GTF3C3: variants seen among roughly 807,000 people sequenced by gnomAD.
GTF3C3 encodes the protein general transcription factor 3C polypeptide 3.
In GTF3C3, 75 loss-of-function variants were observed where a neutral mutation model predicts 105.2. The observed-to-expected ratio is 0.71, with a 90% confidence interval of 0.59 to 0.86. GTF3C3 has a LOEUF of 0.86. Among genes scored for constraint, GTF3C3 ranks in the 40% least tolerant of loss-of-function variants. The probability of loss-of-function intolerance (pLI) is 0.00; values close to 1 mark genes in which losing one functional copy is unlikely to be tolerated. For synonymous variants in GTF3C3, 335 were observed against 370.4 expected (o/e 0.90, Z 1.10); for missense variants, 856 against 1,076.5 (o/e 0.80, Z 2.87).
chr2:196,781,567 CTA>C (rs1238316624), intron 8 of GTF3C3, among the ~76,000 whole-genome samples: 1 of 151,090 alleles, frequency 6.6e-6, no homozygotes, highest in Non-Finnish European at 1.5e-5. Flanking sequence ...AAATAATACA[CTA>C]TTTTATATAA....
chr2:196,792,156 T>C (rs546350551), intron 3 of GTF3C3, among the ~76,000 whole-genome samples: 1 of 152,214 alleles, frequency 6.6e-6, no homozygotes, highest in South Asian at 2.1e-4. Context: ...GGTTATAGTA[T>C]GGACACAGAC....
Position 196,797,797 on chromosome 2 carries a change from CT to C in GTF3C3, c.213del (p.Gly72GlufsTer7). Reference sequence around the variant, plus strand: ...CAGGAAGCACATAATTTTAACATACCTTCATTGACATCTTTGTCTTGGGATT... The same window carrying C: ...CAGGAAGCACATAATTTTAACATACCTCATTGACATCTTTGTCTTGGGATT... ...STKSQDKDVNEGETSDGVRKS... is the reference protein window; with the variant it reads ...STKSQDKDVNXGETSDGVRKS... On this transcript the variant is annotated frameshift_variant and splice_region_variant, in exon 2 of 18. Coordinates refer to ENST00000263956, the MANE Select transcript of GTF3C3 (RefSeq NM_012086.5). LOFTEE classifies it high-confidence loss of function. 6.7e-7 allele frequency: 1 copy of C among 1,503,668 alleles called. No homozygotes were observed. Among genetic ancestry groups the C allele is most frequent in the Non-Finnish European group, 9.3e-7 (1 of 1,079,612 alleles). The allele number at this position is 1,503,668 out of a possible 1,614,324, so 93.1% of individuals were successfully genotyped here.
At chr2:196,774,848 TTTC>T (rs1298744407) in intron 13 of GTF3C3, 1 of 224,516 alleles carries the variant, frequency 4.5e-6, no homozygotes, top group African/African-American at 2.3e-5. Flanking sequence ...TAAAATATAT[TTTC>T]TTTTTAAAAA....
At chr2:196,797,962 C>T (rs530953395) in intron 1 of GTF3C3, 54 bp from the exon 2 acceptor site, 7 of 1,007,162 alleles carry the variant, frequency 7.0e-6, no homozygotes, top group Non-Finnish European at 1.1e-5. Flanking sequence ...CTTAGCTCTC[C>T]CCAGCCACAG....
At chr2:196,792,833 A>G (rs1034698742) in intron 3 of GTF3C3, 123 bp downstream of exon 3, 8 of 672,966 alleles carry the variant, frequency 1.2e-5, no homozygotes, top group Non-Finnish European at 2.1e-5. Flanking sequence ...ACAAATAACA[A>G]TAGTTGTGTC....
intron 13 of GTF3C3, 25 bp from the exon 14 acceptor site, chr2:196,773,178 G>C: frequency 8.0e-7 from 1 of 1,249,234 alleles, no homozygotes; most frequent in Non-Finnish European, 1.1e-6. Context: ...ATGAAAACCA[G>C]TTAGGACACT....
intron 8 of GTF3C3, among the ~76,000 whole-genome samples, chr2:196,784,501 A>C (rs747769739): frequency 6.6e-6 from 1 of 152,158 alleles, no homozygotes; most frequent in Non-Finnish European, 1.5e-5. Context: ...CAAATGTTTT[A>C]AGTAAGAGCA....
At chr2:196,768,094 T>A (rs1351526520) in intron 16 of GTF3C3, among the ~76,000 whole-genome samples, 1 of 152,202 alleles carries the variant, frequency 6.6e-6, no homozygotes, top group Non-Finnish European at 1.5e-5. Flanking sequence ...CTCAGCTCAT[T>A]GCAACCTCCA....
At chr2:196,778,846 C>A in intron 10 of GTF3C3, 50 bp downstream of exon 10, 7 of 1,510,012 alleles carry the variant, frequency 4.6e-6, no homozygotes, top group South Asian at 1.1e-5. Context: ...AAAGTAAGTT[C>A]TTGGCTGCTT....
chr2:196,796,446 C>G (rs758661002), intron 2 of GTF3C3, among the ~76,000 whole-genome samples: 3 of 152,220 alleles, frequency 2.0e-5, no homozygotes, highest in Non-Finnish European at 2.9e-5. Context: ...AGCAGCTCCT[C>G]CCTTCAGCAG....
At chr2:196,788,931 G>A (rs1699499783) in intron 6 of GTF3C3, among the ~76,000 whole-genome samples, 1 of 152,074 alleles carries the variant, frequency 6.6e-6, no homozygotes, top group South Asian at 2.1e-4. Context: ...GCCGGGTGTG[G>A]TGGCGTGCAC....
intron 8 of GTF3C3, among the ~76,000 whole-genome samples, chr2:196,781,201 T>C (rs2125745019): frequency 6.7e-6 from 1 of 149,098 alleles, no homozygotes; most frequent in African/African-American, 2.5e-5. Flanking sequence ...AGATGTATCC[T>C]AAGTGGTGAA....
chr2:196,769,088 GT>G (rs1259502473), intron 16 of GTF3C3, among the ~76,000 whole-genome samples: 1 of 152,048 alleles, frequency 6.6e-6, no homozygotes, highest in Non-Finnish European at 1.5e-5. Flanking sequence ...AGAAGTTTTT[GT>G]TTTTCAGGAT....
In GTF3C3 at chr2:196,784,321, GAATGTT is replaced by G. The variant is rs201602213; in HGVS notation, c.1114+530_1114+535del. On this transcript the variant is annotated intron_variant, in intron 8 of 17. Transcript: ENST00000263956. ...TTGCTACAACTTGATGTAGGGTCTT[GAATGTT>G]AATATTTTTACAGAATAGGTTAATG... 4.1e-3 allele frequency among the ~76,000 whole-genome samples: 625 copies of G among 152,238 alleles called. 4 individuals carry two copies. Among genetic ancestry groups the G allele is most frequent in the African/African-American group, 0.014 (586 of 41,540 alleles).
At chr2:196,789,079 A>G in intron 6 of GTF3C3, 125 bp downstream of exon 6, 1 of 793,354 alleles carries the variant, frequency 1.3e-6, no homozygotes, top group South Asian at 1.9e-5. Context: ...AAACAAAACA[A>G]TAAAACACAT....
rs1699451790 is a variant in GTF3C3, at chr2:196,786,315, T to C, written c.894-727A>G. Among the ~76,000 whole-genome samples the C allele has an allele frequency of 6.6e-6, 1 of 152,194 alleles. No individual in the cohort carries two copies. The highest frequency in any genetic ancestry group is 6.5e-5 in the Admixed American group (1 of 15,268). On this transcript the variant is annotated intron_variant, in intron 6 of 17. Coordinates refer to ENST00000263956, the MANE Select transcript of GTF3C3 (RefSeq NM_012086.5). This position sits in a 1 kb window ranked among gnomAD's most constrained non-coding sequence, Gnocchi z 4.2. ...CCAGGTGATACAAATACTGCCAGTC[T>C]GTGGGGCAGTAATGTCCTAGACAAC...
chr2:196,765,348 C>CCTATAAAGCTCAATT (rs1699042639), intron 17 of GTF3C3, among the ~76,000 whole-genome samples: 1 of 151,790 alleles, frequency 6.6e-6, no homozygotes, highest in Admixed American at 6.6e-5. Context: ...AAAAATGATA[C>CCTATAAAGCTCAATT]CTATAAAGCT....
At position 196,776,231 on chromosome 2, in the gene GTF3C3, T is replaced by C. The variant is rs1373727194; in HGVS notation, c.1594-120A>G. On this transcript the variant is annotated intron_variant, in intron 11 of 17. Transcript: ENST00000263956. This position sits in a 1 kb window ranked among gnomAD's most constrained non-coding sequence, Gnocchi z 4.5. Reference sequence around the variant, plus strand: ...ATTGCTTTATGGTCTTTCACAATAATTAAGAGCCAATATTTTAAAACTATA... The same window carrying C: ...ATTGCTTTATGGTCTTTCACAATAACTAAGAGCCAATATTTTAAAACTATA... 3 of 697,126 alleles carry C rather than the reference T, an allele frequency of 4.3e-6. No individual in the cohort carries two copies. Among genetic ancestry groups the C allele is most frequent in the Non-Finnish European group, 7.3e-6 (3 of 412,496 alleles). 43.2% of individuals were successfully genotyped at this position (697,126 alleles called of 1,614,324 possible).
intron 8 of GTF3C3, among the ~76,000 whole-genome samples, chr2:196,784,550 A>G (rs1451883121): frequency 6.6e-6 from 1 of 152,196 alleles, no homozygotes; most frequent in Admixed American, 6.5e-5. Context: ...CTTCAGTGCT[A>G]AAAGTTTTTG....
Sources: allele counts gnomAD v4.1 joint callset (sites outside exome capture counted in the v4.1 genomes callset), GRCh38; gene constraint gnomAD v4.1.1; non-coding constraint Gnocchi (gnomAD v3.1); transcripts MANE v1.5; gene names NCBI Gene and HGNC (gene_info 2026-07-23, HGNC 2026-07-21).